Variants in TMTC2 observed in about 807,000 individuals in gnomAD.
TMTC2 encodes the protein protein O-mannosyl-transferase TMTC2.
A neutral mutation model predicts 82.4 loss-of-function variants in TMTC2; 43 were observed. The ratio of observed to expected loss-of-function variants is 0.52; its 90% CI spans 0.41 to 0.67. The LOEUF (loss-of-function observed/expected upper bound fraction) is 0.67. TMTC2 is among the 30% of genes least tolerant of loss of function. The pLI, the probability that TMTC2 is intolerant of heterozygous loss-of-function variation, is 0.00. For synonymous variants in TMTC2, 408 were observed against 381.9 expected, an observed-to-expected ratio of 1.07 and a Z score of -0.80; for missense variants, 919 against 1,012.4, an observed-to-expected ratio of 0.91 and a Z score of 1.25.
At chr12:82,838,033 T>C (rs1870143435) in intron 1 of TMTC2, among the ~76,000 whole-genome samples, 1 of 152,322 alleles carries the variant, frequency 6.6e-6, no homozygotes, top group East Asian at 1.9e-4. Flanking sequence ...TGAGAACACA[T>C]AATGTATATA....
intron 9 of TMTC2, among the ~76,000 whole-genome samples, chr12:83,043,428 GC>G (rs1592712971): frequency 1.3e-5 from 2 of 152,224 alleles, no homozygotes; most frequent in African/African-American, 2.4e-5. Context: ...AAACCAGTTA[GC>G]CCAATTACTT....
intron 7 of TMTC2, among the ~76,000 whole-genome samples, chr12:82,973,913 A>C (rs536709000): frequency 2.0e-5 from 3 of 152,366 alleles, no homozygotes; most frequent in African/African-American, 7.2e-5. Context: ...CTGTTACATT[A>C]ATTCATCCTC....
intron 8 of TMTC2, chr12:83,021,993 A>G (rs957512934): frequency 6.6e-6 from 1 of 152,124 alleles, no homozygotes; most frequent in Admixed American, 6.6e-5. Flanking sequence ...CCATATTTGC[A>G]CAGTTCCCAG....
intron 1 of TMTC2, among the ~76,000 whole-genome samples, chr12:82,797,935 ATTTTTTTT>A (rs72046660): frequency 1.6e-5 from 2 of 121,820 alleles, no homozygotes; most frequent in East Asian, 4.8e-4. Flanking sequence ...AACCACCCTA[ATTTTTTTT>A]TTTTTTTTTT....
At chr12:82,752,610 A>G (rs1023654371) in intron 1 of TMTC2, among the ~76,000 whole-genome samples, 16 of 152,220 alleles carry the variant, frequency 1.1e-4, no homozygotes, top group Admixed American at 9.8e-4. Flanking sequence ...AAATTGGCTT[A>G]GAGACTTCAT....
chr12:82,843,396 C>T (rs539866009), intron 1 of TMTC2, among the ~76,000 whole-genome samples: 21 of 152,108 alleles, frequency 1.4e-4, no homozygotes, highest in African/African-American at 4.3e-4. Flanking sequence ...AGGACTCTTA[C>T]TTTCCAGTGT....
At chr12:82,864,458 A>C (rs938673692) in intron 2 of TMTC2, among the ~76,000 whole-genome samples, 1 of 150,728 alleles carries the variant, frequency 6.6e-6, no homozygotes, top group African/African-American at 2.4e-5. Flanking sequence ...GCTAGAGTTG[A>C]AGTTTTATAT....
At chr12:82,860,665 A>G (rs997229124) in intron 2 of TMTC2, among the ~76,000 whole-genome samples, 1 of 152,218 alleles carries the variant, frequency 6.6e-6, no homozygotes, top group Admixed American at 6.5e-5. Flanking sequence ...AATACATATT[A>G]GTTGAAGTGA....
At chr12:82,923,377 T>C (rs1875506296) in intron 3 of TMTC2, among the ~76,000 whole-genome samples, 1 of 152,218 alleles carries the variant, frequency 6.6e-6, no homozygotes, top group Non-Finnish European at 1.5e-5. Flanking sequence ...GAGTTCCTTC[T>C]AGTTTCCAAG....
At chr12:83,096,744 G>T (rs1884042151) in intron 11 of TMTC2, among the ~76,000 whole-genome samples, 1 of 152,134 alleles carries the variant, frequency 6.6e-6, no homozygotes, top group African/African-American at 2.4e-5. Flanking sequence ...TTCCAGATGA[G>T]ATTTGGGTGG....
rs1282211374 is a variant in TMTC2 at position 82,719,085 on chromosome 12, A to ATATATATTTT, written c.83+31417_83+31418insATATATTTTT. On this transcript the variant is annotated intron_variant, in intron 1 of 11. Coordinates refer to ENST00000321196, the MANE Select transcript of TMTC2 (RefSeq NM_152588.3). ...TATATATATATATATATATATATAT[A>ATATATATTTT]TTTTTTTTTTTTTTTTTTTTTTTTT... Among the ~76,000 whole-genome samples the ATATATATTTT allele has an allele frequency of 2.7e-4, 11 of 41,416 alleles. No individual in the cohort carries two copies. In the Admixed American group the frequency reaches 3.4e-3, roughly 13 times the overall value. 27.2% of individuals were successfully genotyped at this position (41,416 alleles called of 152,430 possible).
intron 1 of TMTC2, among the ~76,000 whole-genome samples, chr12:82,853,311 C>A (rs1871082230): frequency 6.6e-6 from 1 of 152,152 alleles, no homozygotes; most frequent in Admixed American, 6.5e-5. Context: ...CCATGTTGGT[C>A]AGGCTGGTCT....
intron 3 of TMTC2, among the ~76,000 whole-genome samples, chr12:82,918,476 A>C (rs887205821): frequency 5.3e-5 from 8 of 152,152 alleles, no homozygotes; most frequent in Non-Finnish European, 1.2e-4. Context: ...CAAGATTTTC[A>C]TATAGGGACA....
intron 2 of TMTC2, among the ~76,000 whole-genome samples, chr12:82,873,180 A>G (rs1872293088): frequency 6.6e-6 from 1 of 151,260 alleles, no homozygotes; most frequent in East Asian, 2.0e-4. Flanking sequence ...GAATGGAATT[A>G]AGGATAGGGA....
At chr12:82,761,182 T>A (rs1350361802) in intron 1 of TMTC2, among the ~76,000 whole-genome samples, 1 of 152,178 alleles carries the variant, frequency 6.6e-6, no homozygotes, top group Non-Finnish European at 1.5e-5. Context: ...AGCAGTGTGA[T>A]CTTGATCAAG....
chr12:82,749,366 C>T (rs1714293667), intron 1 of TMTC2, among the ~76,000 whole-genome samples: 1 of 152,194 alleles, frequency 6.6e-6, no homozygotes, highest in South Asian at 2.1e-4. Flanking sequence ...AAAACAAAAT[C>T]CTTGCCCTCG....
intron 1 of TMTC2, chr12:82,759,394 AAGAG>A (rs1306024162): frequency 1.3e-5 from 2 of 152,262 alleles, no homozygotes; most frequent in Non-Finnish European, 2.9e-5. Flanking sequence ...TGTATCTTAA[AAGAG>A]AGATAAGATT....
At chr12:83,087,576 G>A (rs1180051693) in intron 11 of TMTC2, among the ~76,000 whole-genome samples, 1 of 150,618 alleles carries the variant, frequency 6.6e-6, no homozygotes, top group Non-Finnish European at 1.5e-5. Context: ...TTCGATCCAT[G>A]GCTGCAGAAT....
intron 2 of TMTC2, among the ~76,000 whole-genome samples, chr12:82,877,769 A>T (rs7296706): frequency 0.15 from 22,139 of 152,176 alleles, 4,934 homozygotes; most frequent in African/African-American, 0.48. Context: ...GATGGTCCTT[A>T]CTTGCCAAAG....
Sources: allele counts gnomAD v4.1 joint callset (sites outside exome capture counted in the v4.1 genomes callset), GRCh38; gene constraint gnomAD v4.1.1; transcripts MANE v1.5; gene names NCBI Gene and HGNC (gene_info 2026-07-23, HGNC 2026-07-21).